AKAP13: variants seen among roughly 807,000 people sequenced by gnomAD.
AKAP13 encodes the protein A-kinase anchor protein 13.
AKAP13 carries 80 observed loss-of-function variants against 264.5 expected under a neutral mutation model. The ratio of observed to expected loss-of-function variants is 0.30; its 90% CI spans 0.25 to 0.36. AKAP13 has a LOEUF of 0.36. AKAP13 is among the 10% of genes least tolerant of loss of function. The pLI is 1.00. For missense variants in AKAP13, 3,712 were observed against 3,435.2 expected, an observed-to-expected ratio of 1.08 and a Z score of -2.01; for synonymous variants, 1,380 against 1,250.2, an observed-to-expected ratio of 1.10 and a Z score of -2.19.
At chr15:85,687,836 C>T (rs1211718251) in intron 16 of AKAP13, among the ~76,000 whole-genome samples, 1 of 151,966 alleles carries the variant, frequency 6.6e-6, no homozygotes, top group African/African-American at 2.4e-5. Flanking sequence ...ACCAGGAGTT[C>T]AAGGTCAGCC....
intron 1 of AKAP13, among the ~76,000 whole-genome samples, chr15:85,440,823 T>C (rs759233280): frequency 6.6e-6 from 1 of 152,206 alleles, no homozygotes. Flanking sequence ...ATGATGACCA[T>C]TTAGAAGCCA....
Position 85,717,358 on chromosome 15 carries a change from A to G in AKAP13, c.5804A>G (p.Lys1935Arg), listed in dbSNP as rs926434782. The G allele has an allele frequency of 6.2e-7, 1 of 1,613,266 alleles. No individual in the cohort carries two copies. The highest frequency in any genetic ancestry group is 1.3e-5 in the African/African-American group (1 of 74,886). The change falls in exon 21 of 37, where the codon AAA (lysine) becomes AGA (arginine). Residue 1935 changes from lysine to arginine, a missense_variant. By Grantham distance (26) the Lys-to-Arg change is conservative. Around this residue, in one of 3 missense-constraint regions of AKAP13, gnomAD observed 2,759 missense variants for 2,411.7 expected, o/e 1.14. Transcript: ENST00000394518. ...FLSHSTDSLN[K>R]ISKVNESTES... Reference sequence around the variant, plus strand: ...TCTCATTCAACAGACTCACTAAATAAAATCAGCAAGGTCAATGAGTCAACA... The same window carrying G: ...TCTCATTCAACAGACTCACTAAATAGAATCAGCAAGGTCAATGAGTCAACA...
intron 1 of AKAP13, among the ~76,000 whole-genome samples, chr15:85,408,486 C>G (rs945503561): frequency 1.3e-4 from 20 of 151,744 alleles, no homozygotes; most frequent in Middle Eastern, 6.8e-3. Context: ...TTCTATTTCT[C>G]TCTCCTCCGT....
At chr15:85,552,628 C>T (rs1430529986) in intron 5 of AKAP13, among the ~76,000 whole-genome samples, 2 of 125,058 alleles carry the variant, frequency 1.6e-5, no homozygotes, top group African/African-American at 3.1e-5. Flanking sequence ...TTTTTTTGGC[C>T]TTTTTTTTTT....
At position 85,585,686 on chromosome 15, in the gene AKAP13, C is replaced by T; in HGVS notation, c.4040-16C>T. 2 of 1,613,820 alleles carry T rather than the reference C, an allele frequency of 1.2e-6. No homozygotes were observed. The highest frequency in any genetic ancestry group is 1.7e-6 in the Non-Finnish European group (2 of 1,179,812). ...AGTTTTTAAAAATGTACTCTGTAAC[C>T]CCCCTGCACTTTCAGAAATGCCAGA... On this transcript the variant is annotated splice_polypyrimidine_tract_variant and intron_variant, in intron 7 of 36. Transcript: ENST00000394518.
rs1215230144 is a variant in AKAP13, at chr15:85,719,001, CT to C, written c.6002-74del. 7 of 1,574,492 alleles carry C rather than the reference CT, an allele frequency of 4.4e-6. No individual in the cohort carries two copies. The Admixed American group carries it at 5.1e-5, about 12-fold the overall frequency. On this transcript the variant is annotated intron_variant, in intron 22 of 36. Transcript: ENST00000394518. Reference sequence around the variant, plus strand: ...ATTGGGCTCTAAACTAGCTTTGGGACTGCAGCAGATGATCTTTGAGGGCGAA... The same window carrying C: ...ATTGGGCTCTAAACTAGCTTTGGGACGCAGCAGATGATCTTTGAGGGCGAA...
chr15:85,447,464 C>T (rs1040454454), intron 1 of AKAP13, among the ~76,000 whole-genome samples: 4 of 152,068 alleles, frequency 2.6e-5, no homozygotes, highest in Non-Finnish European at 4.4e-5. Context: ...CATATTATTA[C>T]ATCACCCAGG....
intron 1 of AKAP13, among the ~76,000 whole-genome samples, chr15:85,396,698 A>G (rs2071129803): frequency 6.6e-6 from 1 of 152,190 alleles, no homozygotes; most frequent in African/African-American, 2.4e-5. Flanking sequence ...CCAGGATATG[A>G]AACAGACAAC....
At chr15:85,424,701 C>G (rs886752501) in intron 1 of AKAP13, among the ~76,000 whole-genome samples, 3 of 152,204 alleles carry the variant, frequency 2.0e-5, no homozygotes, top group Non-Finnish European at 2.9e-5. Context: ...TTGCAAGAGG[C>G]CTAGCTTTCT....
intron 8 of AKAP13, among the ~76,000 whole-genome samples, chr15:85,629,306 A>G (rs1416816953): frequency 2.0e-5 from 3 of 152,088 alleles, no homozygotes; most frequent in Non-Finnish European, 4.4e-5. Context: ...AAGTGAGGAA[A>G]CCTTGGGTCC....
At chr15:85,551,661 A>G (rs972405175) in intron 5 of AKAP13, among the ~76,000 whole-genome samples, 6 of 152,258 alleles carry the variant, frequency 3.9e-5, no homozygotes, top group Non-Finnish European at 1.5e-5. Context: ...TGGTTGCCGT[A>G]TAACATTTAG....
rs1051156225 is a variant in AKAP13 at position 85,392,455 on chromosome 15, A to G, written c.-12+11657A>G. Among the ~76,000 whole-genome samples the G allele has an allele frequency of 9.9e-5, 15 of 151,980 alleles. No individual in the cohort carries two copies. The South Asian group carries it at 2.1e-3, about 21-fold the overall frequency. ...TTTTTAGTAGAGACAGGGTTTCACC[A>G]TGTTGGCCAGTATGGTCTTGATCTC... On this transcript the variant is annotated intron_variant, in intron 1 of 36. Coordinates refer to ENST00000394518, the MANE Select transcript of AKAP13 (RefSeq NM_007200.5).
intron 1 of AKAP13, among the ~76,000 whole-genome samples, chr15:85,422,230 G>T (rs867947698): frequency 2.0e-5 from 3 of 152,148 alleles, no homozygotes; most frequent in South Asian, 2.1e-4. Context: ...TACAGTATGG[G>T]GGTGCTGTTA....
chr15:85,704,958 T>C lies in AKAP13; in HGVS notation c.5465-3061T>C, dbSNP rs1003060749. Among the ~76,000 whole-genome samples the C allele has an allele frequency of 3.9e-5, 6 of 152,180 alleles. No homozygotes were observed. The East Asian group carries it at 1.2e-3, about 29-fold the overall frequency. On this transcript the variant is annotated intron_variant, in intron 17 of 36. Coordinates refer to ENST00000394518, the MANE Select transcript of AKAP13 (RefSeq NM_007200.5). ...GAGTCCAGGACAACTTGGAAACAAG[T>C]TGAGTGTTTTTCAAGTAGGTACTTC...
intron 1 of AKAP13, chr15:85,389,948 T>G (rs75363663): frequency 7.2e-5 from 11 of 152,362 alleles, no homozygotes; most frequent in Admixed American, 1.3e-4. Context: ...CATATATGCT[T>G]TATGTCGCAA....
chr15:85,658,156 G>A (rs548851950), intron 11 of AKAP13, among the ~76,000 whole-genome samples: 1 of 152,300 alleles, frequency 6.6e-6, no homozygotes, highest in African/African-American at 2.4e-5. Flanking sequence ...TGGAATGAGA[G>A]TGAGGTTTTA....
intron 14 of AKAP13, among the ~76,000 whole-genome samples, chr15:85,671,433 C>CAAA (rs11296113): frequency 5.5e-4 from 39 of 70,550 alleles, no homozygotes; most frequent in Non-Finnish European, 7.1e-4. Flanking sequence ...GACACTGCCT[C>CAAA]AAAAAAAAAA....
chr15:85,741,481 C>G lies in AKAP13; in HGVS notation c.8044C>G (p.Arg2682Gly). Reference protein sequence around the residue: ...AERLSQRQTERDLCQVSHPHT... With the variant: ...AERLSQRQTEGDLCQVSHPHT... The stretch of plus-strand genomic sequence containing the variant: ...GCGGCTCAGCCAGCGGCAGACAGAA[C>G]GGGACCTGTGTCAGGTAATGGGACT... The change falls in exon 35 of 37, where the codon CGG (arginine) becomes GGG (glycine). Residue 2682 changes from arginine to glycine, a missense_variant. By Grantham distance (125) the Arg-to-Gly change is moderately radical (BLOSUM62 -2). Coordinates refer to ENST00000394518, the MANE Select transcript of AKAP13 (RefSeq NM_007200.5). 1.3e-6 allele frequency: 2 copies of G among 1,593,760 alleles called. No homozygotes were observed. The highest frequency in any genetic ancestry group is 2.3e-5 in the East Asian group (1 of 44,424).
intron 8 of AKAP13, among the ~76,000 whole-genome samples, chr15:85,592,402 C>T (rs2079621674): frequency 6.6e-6 from 1 of 152,168 alleles, no homozygotes; most frequent in South Asian, 2.1e-4. Context: ...AATCCAACAA[C>T]TTATAATGCT....
Sources: allele counts gnomAD v4.1 joint callset (sites outside exome capture counted in the v4.1 genomes callset), GRCh38; gene constraint gnomAD v4.1.1; regional missense constraint gnomAD v4.1.1; transcripts MANE v1.5; gene names NCBI Gene and HGNC (gene_info 2026-07-23, HGNC 2026-07-21).